MAP3K15: variants seen among roughly 807,000 people sequenced by gnomAD.
MAP3K15 encodes the protein MAPK/ERK kinase kinase 15.
MAP3K15 carries 124 observed loss-of-function variants against 99.5 expected under a neutral mutation model. That is an observed-to-expected ratio of 1.25 (90% CI 1.08 to 1.45). The LOEUF (loss-of-function observed/expected upper bound fraction) is 1.45. Among genes scored for constraint, MAP3K15 ranks in the 40% most tolerant of loss-of-function variants. The pLI is 0.00. For synonymous variants in MAP3K15, 494 were observed against 439.6 expected (o/e 1.12, Z -1.55); for missense variants, 1,242 against 1,079.7 (o/e 1.15, Z -2.11).
At chrX:19,362,671 T>C in intron 26 of MAP3K15, 67 bp downstream of exon 26, 1 of 663,302 alleles carries the variant, frequency 1.5e-6, no homozygotes, top group Admixed American at 2.7e-5. Context: ...TAACCTCAAA[T>C]GTTTCTTCAA....
chrX:19,372,517 A>G (rs1308805699), intron 22 of MAP3K15, 136 bp downstream of exon 22: 4 of 489,009 alleles, frequency 8.2e-6, no homozygotes. Context: ...GACGTTAGGG[A>G]AACATTTACA....
At chrX:19,498,655 A>G (rs2064422459) in intron 1 of MAP3K15, among the ~76,000 whole-genome samples, 1 of 111,953 alleles carries the variant, frequency 8.9e-6, no homozygotes, top group Admixed American at 9.5e-5. Flanking sequence ...CTGGATAATG[A>G]GACGAAAAGG....
At chrX:19,506,458 T>G (rs2064478052) in intron 1 of MAP3K15, among the ~76,000 whole-genome samples, 1 of 111,531 alleles carries the variant, frequency 9.0e-6, no homozygotes, top group East Asian at 2.8e-4. Context: ...AGAAAAGGAG[T>G]ATCATCAGAC....
intron 1 of MAP3K15, among the ~76,000 whole-genome samples, chrX:19,510,111 C>G (rs1375553223): frequency 1.8e-5 from 2 of 111,757 alleles, no homozygotes; most frequent in East Asian, 2.8e-4. Context: ...AGCCTACCAA[C>G]TAAAAAAATC....
intron 18 of MAP3K15, among the ~76,000 whole-genome samples, chrX:19,385,478 C>T (rs1026766397): frequency 9.0e-6 from 1 of 111,355 alleles, no homozygotes; most frequent in African/African-American, 3.3e-5. Context: ...CCACATTCAA[C>T]GGGAGGGAAC....
Position 19,380,254 on chromosome X carries a change from C to T in MAP3K15, c.2455G>A (p.Glu819Lys). The T allele has an allele frequency of 8.3e-7, 1 of 1,209,162 alleles. No individual in the cohort carries two copies. Among genetic ancestry groups the T allele is most frequent in the Admixed American group, 2.2e-5 (1 of 45,635 alleles). ...FTGTLQYMAPEIIDQGPRGYG... is the reference protein window; with the variant it reads ...FTGTLQYMAPKIIDQGPRGYG... ...CCGCGAGGCCCTTGGTCAATTATCT[C>T]AGGTGCCATGTACTGCAGGGTGCCT... The change falls in exon 19 of 29, where the codon GAG becomes AAG. Residue 819 changes from glutamate to lysine, a missense_variant. Transcript: ENST00000338883.
chrX:19,504,033 T>C (rs887420217), intron 1 of MAP3K15, among the ~76,000 whole-genome samples: 4 of 105,823 alleles, frequency 3.8e-5, no homozygotes, highest in Non-Finnish European at 7.8e-5. Context: ...GGTAGGAAGA[T>C]TGCTTGAGTC....
At chrX:19,399,739 C>CCA (rs1401740210) in intron 14 of MAP3K15, among the ~76,000 whole-genome samples, 3 of 35,500 alleles carry the variant, frequency 8.5e-5, no homozygotes, top group Non-Finnish European at 1.3e-4. Context: ...ACTCTGTTTC[C>CCA]AAAAAAAAAA....
rs1043513737 is a variant in MAP3K15 at position 19,364,146 on chromosome X, C to G, written c.3567-1296G>C. On this transcript the variant is annotated intron_variant, in intron 25 of 28. Coordinates refer to ENST00000338883, the MANE Select transcript of MAP3K15 (RefSeq NM_001001671.4). Reference sequence around the variant, plus strand: ...AGGAAGCACTGGTTGTTCTAAACCCCTGTTTTGAAGCTGAGGTAACTGAGG... The same window carrying G: ...AGGAAGCACTGGTTGTTCTAAACCCGTGTTTTGAAGCTGAGGTAACTGAGG... 2.7e-5 allele frequency among the ~76,000 whole-genome samples: 3 copies of G among 112,025 alleles called. No individual in the cohort carries two copies. The South Asian group carries it at 1.1e-3, about 41-fold the overall frequency.
intron 6 of MAP3K15, among the ~76,000 whole-genome samples, chrX:19,436,694 TCAGA>T (rs1217478680): frequency 9.0e-6 from 1 of 111,165 alleles, no homozygotes; most frequent in African/African-American, 3.3e-5. Context: ...TTTGTCCCCC[TCAGA>T]CAGAGTCTCA....
chrX:19,407,323 G>A lies in MAP3K15; in HGVS notation c.1749-40C>T, dbSNP rs760648475. On this transcript the variant is annotated intron_variant, in intron 12 of 28. Coordinates refer to ENST00000338883, the MANE Select transcript of MAP3K15 (RefSeq NM_001001671.4). ...AGCATAATGTTTATACATAAGTTAT[G>A]ATACCCACTCTAAATCTGCAAGACA... is the stretch of plus-strand genomic sequence containing the variant. The A allele has an allele frequency of 9.1e-6, 7 of 768,208 alleles. No homozygotes were observed. In the Admixed American group the frequency reaches 1.9e-4, roughly 21 times the overall value. 63.3% of individuals were successfully genotyped at this position (768,208 alleles called of 1,213,427 possible). A position where few individuals can be genotyped will look rare whatever the true frequency, so the allele number is the denominator to read the frequency against.
chrX:19,496,220 C>G (rs1324869584), intron 1 of MAP3K15, among the ~76,000 whole-genome samples: 2 of 109,945 alleles, frequency 1.8e-5, no homozygotes, highest in Admixed American at 9.8e-5. Context: ...GTGTGCACCA[C>G]CACGCCAGGC....
Position 19,438,543 on chromosome X carries a change from C to A in MAP3K15, c.996-6935G>T, listed in dbSNP as rs143737696. On this transcript the variant is annotated intron_variant, in intron 6 of 28. Coordinates refer to ENST00000338883, the MANE Select transcript of MAP3K15 (RefSeq NM_001001671.4). ...GCACTTAGCCCTTCTGTGCCTCAGT[C>A]CTTCACCTGAAGTGTCTGACTTTGC... 8.0e-5 allele frequency among the ~76,000 whole-genome samples: 9 copies of A among 112,308 alleles called. No homozygotes were observed. The East Asian group carries it at 2.2e-3, about 28-fold the overall frequency.
At position 19,368,056 on chromosome X, in the gene MAP3K15, T is replaced by G. The variant is rs2063348282; in HGVS notation, c.3566+998A>C. Among the ~76,000 whole-genome samples, 10 of 109,876 alleles carry G rather than the reference T, an allele frequency of 9.1e-5. No individual in the cohort carries two copies. The South Asian group carries it at 3.9e-3, about 43-fold the overall frequency. ...GCCACTGTGCCCGGTCAACTATGGA[T>G]TACTTTTAAAAACCAAATCACGCAG... On this transcript the variant is annotated intron_variant, in intron 25 of 28. Transcript: ENST00000338883.
At chrX:19,513,204 G>A (rs1425134928) in intron 1 of MAP3K15, among the ~76,000 whole-genome samples, 5 of 111,396 alleles carry the variant, frequency 4.5e-5, no homozygotes, top group Non-Finnish European at 1.9e-5. Flanking sequence ...GAGATTTGAC[G>A]TCTGCATCTT....
chrX:19,397,393 G>A (rs771699598), intron 15 of MAP3K15, among the ~76,000 whole-genome samples: 96 of 111,292 alleles, frequency 8.6e-4, no homozygotes, highest in African/African-American at 3.0e-3. Flanking sequence ...ACAAATCATA[G>A]CCATTTTCAA....
intron 11 of MAP3K15, among the ~76,000 whole-genome samples, chrX:19,412,553 G>A (rs28580701): frequency 3.6e-5 from 4 of 110,068 alleles, no homozygotes; most frequent in Non-Finnish European, 3.8e-5. Flanking sequence ...GCTCAGGGGC[G>A]AGTAAGAGGA....
rs182912056 is a variant in MAP3K15, at chrX:19,407,103, C to G, written c.1844+85G>C. Reference sequence around the variant, plus strand: ...AACATTTCAAGAAAGACAGTAATAGCAAGTAAATATCTTTCAGAACAAAGG... The same window carrying G: ...AACATTTCAAGAAAGACAGTAATAGGAAGTAAATATCTTTCAGAACAAAGG... On this transcript the variant is annotated intron_variant, in intron 13 of 28. Transcript: ENST00000338883. The G allele has an allele frequency of 9.5e-6, 5 of 526,872 alleles. No individual in the cohort carries two copies. In the Admixed American group the frequency reaches 2.1e-4, roughly 22 times the overall value. 43.4% of individuals were successfully genotyped at this position (526,872 alleles called of 1,213,427 possible).
intron 13 of MAP3K15, among the ~76,000 whole-genome samples, chrX:19,405,592 T>C (rs763353238): frequency 2.0e-4 from 22 of 112,301 alleles, no homozygotes; most frequent in Non-Finnish European, 3.0e-4. Flanking sequence ...AAAGACATCA[T>C]TGGGACACTA....
Sources: allele counts gnomAD v4.1 joint callset (sites outside exome capture counted in the v4.1 genomes callset), GRCh38; gene constraint gnomAD v4.1.1; transcripts MANE v1.5; gene names NCBI Gene and HGNC (gene_info 2026-07-23, HGNC 2026-07-21).